ZFPM2: variants seen among roughly 807,000 people sequenced by gnomAD.
The protein encoded by ZFPM2 is zinc finger protein, FOG family member 2, also known as zinc finger protein ZFPM2.
A neutral mutation model predicts 98.6 loss-of-function variants in ZFPM2; 20 were observed. That is an observed-to-expected ratio of 0.20 (90% CI 0.14 to 0.29). ZFPM2 has a LOEUF of 0.29. Among genes scored for constraint, ZFPM2 ranks in the 10% least tolerant of loss-of-function variants. ZFPM2 has a pLI of 1.00. For synonymous variants in ZFPM2, 518 were observed against 502.7 expected (o/e 1.03, Z -0.41); for missense variants, 1,310 against 1,388.6 (o/e 0.94, Z 0.90).
intron 4 of ZFPM2, among the ~76,000 whole-genome samples, chr8:105,599,867 G>A (rs1184697409): frequency 1.3e-5 from 2 of 151,992 alleles, no homozygotes; most frequent in African/African-American, 4.8e-5. Flanking sequence ...TAGTATGAAT[G>A]TGCACTTTAA....
At chr8:105,772,544 G>C (rs1813002412) in intron 5 of ZFPM2, among the ~76,000 whole-genome samples, 1 of 152,088 alleles carries the variant, frequency 6.6e-6, no homozygotes, top group African/African-American at 2.4e-5. Flanking sequence ...TTTGTAAAGG[G>C]TTACCTCAGT....
intron 1 of ZFPM2, among the ~76,000 whole-genome samples, chr8:105,392,669 A>G (rs1207141803): frequency 1.3e-5 from 2 of 152,174 alleles, no homozygotes; most frequent in Non-Finnish European, 1.5e-5. Context: ...TGGTCATTAT[A>G]ATTTTTGTCG....
At chr8:105,672,966 A>T (rs538899894) in intron 5 of ZFPM2, among the ~76,000 whole-genome samples, 1 of 152,234 alleles carries the variant, frequency 6.6e-6, no homozygotes, top group East Asian at 1.9e-4. Flanking sequence ...TGTCATCCAG[A>T]TAAGGAAATT....
intron 3 of ZFPM2, among the ~76,000 whole-genome samples, chr8:105,481,787 C>T (rs6981142): frequency 0.019 from 2,956 of 152,260 alleles, 96 homozygotes; most frequent in African/African-American, 0.067. Flanking sequence ...TTGACCTCTA[C>T]TGAGGCCAGA....
At chr8:105,672,880 T>C (rs1252359326) in intron 5 of ZFPM2, among the ~76,000 whole-genome samples, 1 of 152,198 alleles carries the variant, frequency 6.6e-6, no homozygotes, top group African/African-American at 2.4e-5. Flanking sequence ...CTGGCTAAGC[T>C]ACATCTTTCA....
chr8:105,575,939 T>C (rs192667784), intron 4 of ZFPM2, among the ~76,000 whole-genome samples: 1 of 152,324 alleles, frequency 6.6e-6, no homozygotes, highest in Admixed American at 6.5e-5. Flanking sequence ...TTGTTATTTA[T>C]TGAGATTTTT....
chr8:105,619,738 G>A (rs1179641638), intron 4 of ZFPM2, among the ~76,000 whole-genome samples: 1 of 149,718 alleles, frequency 6.7e-6, no homozygotes, highest in Non-Finnish European at 1.5e-5. Flanking sequence ...GTGTCCAAGT[G>A]TTCTTGTTGT....
intron 4 of ZFPM2, among the ~76,000 whole-genome samples, chr8:105,595,586 A>G (rs943708443): frequency 1.1e-4 from 17 of 152,128 alleles, no homozygotes; most frequent in African/African-American, 4.1e-4. Context: ...AAAGTCATGA[A>G]AGCATGAAAC....
intron 5 of ZFPM2, among the ~76,000 whole-genome samples, chr8:105,713,998 G>T (rs538827183): frequency 6.6e-6 from 1 of 152,146 alleles, no homozygotes; most frequent in South Asian, 2.1e-4. Flanking sequence ...TGTGAAAAAT[G>T]ACATGGAAAA....
intron 5 of ZFPM2, among the ~76,000 whole-genome samples, chr8:105,760,605 G>A (rs1250781774): frequency 6.6e-6 from 1 of 152,082 alleles, no homozygotes; most frequent in African/African-American, 2.4e-5. Flanking sequence ...GCAAGGATGT[G>A]TGGATTTAAA....
At chr8:105,372,061 G>T (rs548530677) in intron 1 of ZFPM2, among the ~76,000 whole-genome samples, 124 of 148,720 alleles carry the variant, frequency 8.3e-4, no homozygotes, top group African/African-American at 3.0e-3. Flanking sequence ...TATTTTTTTT[G>T]AGACGGAGTC....
chr8:105,562,314 TAATAAATAAATAAATAAATAAATA>T (rs35570669), intron 4 of ZFPM2, among the ~76,000 whole-genome samples: 11 of 147,718 alleles, frequency 7.4e-5, no homozygotes, highest in African/African-American at 2.3e-4. Flanking sequence ...CATCTCAAAA[TAATAAATAAATAAATAAATAAATA>T]AATAAATAAA....
At chr8:105,619,670 CTA>C (rs1447008320) in intron 4 of ZFPM2, among the ~76,000 whole-genome samples, 2 of 151,850 alleles carry the variant, frequency 1.3e-5, no homozygotes, top group Non-Finnish European at 2.9e-5. Context: ...TCTCCTAATG[CTA>C]TCCCTCCCGC....
intron 5 of ZFPM2, among the ~76,000 whole-genome samples, chr8:105,711,545 G>T (rs916935108): frequency 2.0e-5 from 3 of 151,828 alleles, no homozygotes; most frequent in African/African-American, 7.3e-5. Flanking sequence ...TCCTATATAT[G>T]AACTTGTTAC....
At chr8:105,634,429 A>T (rs982576915) in intron 5 of ZFPM2, 72 bp downstream of exon 5, 15 of 1,175,028 alleles carry the variant, frequency 1.3e-5, no homozygotes, top group Non-Finnish European at 1.7e-5. Context: ...GCACCAGAAG[A>T]GCTGGAATGG....
chr8:105,592,039 C>G (rs1487940619), intron 4 of ZFPM2, among the ~76,000 whole-genome samples: 1 of 152,030 alleles, frequency 6.6e-6, no homozygotes, highest in Admixed American at 6.6e-5. Flanking sequence ...CACTATTAGG[C>G]TTACAAGGCA....
intron 1 of ZFPM2, chr8:105,418,888 G>A: frequency 1.8e-6 from 1 of 570,368 alleles, no homozygotes. Flanking sequence ...TTGAGGTTGG[G>A]GGTGGGGACG....
At chr8:105,385,425 C>T (rs1362075418) in intron 1 of ZFPM2, among the ~76,000 whole-genome samples, 2 of 152,156 alleles carry the variant, frequency 1.3e-5, no homozygotes, top group Admixed American at 6.5e-5. Context: ...TCTCTGTTTT[C>T]ATTGGCTGGT....
At chr8:105,334,048 AT>A (rs1322455344) in intron 1 of ZFPM2, among the ~76,000 whole-genome samples, 1 of 151,376 alleles carries the variant, frequency 6.6e-6, no homozygotes, top group Non-Finnish European at 1.5e-5. Context: ...AATTAAAAAA[AT>A]AAAATGTATA....
Sources: allele counts gnomAD v4.1 joint callset (sites outside exome capture counted in the v4.1 genomes callset), GRCh38; gene constraint gnomAD v4.1.1; transcripts MANE v1.5; gene names NCBI Gene and HGNC (gene_info 2026-07-23, HGNC 2026-07-21).